NCOR2: variants seen among roughly 807,000 people sequenced by gnomAD.
NCOR2 encodes nuclear receptor corepressor 2, also known as CTG repeat protein 26.
Under a neutral mutation model 262.9 loss-of-function variants are expected in NCOR2, and 81 were observed. The ratio of observed to expected loss-of-function variants is 0.31; its 90% CI spans 0.26 to 0.37. The LOEUF is 0.37. NCOR2 is among the 10% of genes least tolerant of loss of function. The pLI is 1.00. For missense variants in NCOR2, 3,385 were observed against 3,621.4 expected (o/e 0.93, Z 1.68); for synonymous variants, 1,659 against 1,559.3 (o/e 1.06, Z -1.51).
At position 124,378,192 on chromosome 12, in the gene NCOR2, C is replaced by T. The variant is rs772350648; in HGVS notation, c.2167+45G>A. On this transcript the variant is annotated intron_variant, in intron 18 of 46. Coordinates refer to ENST00000405201, the Ensembl canonical transcript of NCOR2. The surrounding 1 kb of genome is among the most constrained non-coding windows in gnomAD (Gnocchi z 4.2). ...TCCCGCTATGCCCTCCCTCAGAGCT[C>T]GGACCCACAGCTGCCAGCCACCTCC... is the stretch of plus-strand genomic sequence containing the variant. The T allele has an allele frequency of 1.4e-5, 23 of 1,598,968 alleles. No homozygotes were observed. The highest frequency in any genetic ancestry group is 6.8e-5 in the Admixed American group (4 of 59,258).
At chr12:124,511,295 C>T (rs920424213) in intron 1 of NCOR2, among the ~76,000 whole-genome samples, 3 of 152,182 alleles carry the variant, frequency 2.0e-5, no homozygotes, top group Admixed American at 6.5e-5. Context: ...TCCAAGTGGC[C>T]GAGAACTCTG....
intron 7 of NCOR2, among the ~76,000 whole-genome samples, chr12:124,446,200 C>G (rs927180381): frequency 6.6e-6 from 1 of 152,186 alleles, no homozygotes; most frequent in African/African-American, 2.4e-5. Flanking sequence ...ATTATGCACC[C>G]TCAGCTTGCA....
chr12:124,524,406 A>G (rs1237432937), intron 1 of NCOR2, among the ~76,000 whole-genome samples: 1 of 152,124 alleles, frequency 6.6e-6, no homozygotes, highest in Admixed American at 6.5e-5. Context: ...CAGTGAAACA[A>G]ATGTCGAGGA....
At position 124,517,830 on chromosome 12, in the gene NCOR2, C is replaced by G. The variant is rs2049911747; in HGVS notation, c.-118+17735G>C. 1.3e-5 allele frequency among the ~76,000 whole-genome samples: 2 copies of G among 152,212 alleles called. No homozygotes were observed. Among genetic ancestry groups the G allele is most frequent in the Admixed American group, 1.3e-4 (2 of 15,284 alleles). The stretch of plus-strand genomic sequence containing the variant: ...CTCTTTTCCGTGACTGCAGCAACTT[C>G]GTCCGATGAGACAGCCCTGCCCACC... On this transcript the variant is annotated intron_variant, in intron 1 of 46. Transcript: ENST00000404621. This position sits in a 1 kb window ranked among gnomAD's most constrained non-coding sequence, Gnocchi z 7.6.
chr12:124,503,483 A>ATGATGGAT lies in NCOR2; in HGVS notation c.-117-8123_-117-8116dup, dbSNP rs757108752. On this transcript the variant is annotated intron_variant, in intron 1 of 46. Coordinates refer to the NCOR2 transcript ENST00000404621. This position sits in a 1 kb window ranked among gnomAD's most constrained non-coding sequence, Gnocchi z 4.3. ...CATGGACTGATGGATGGATGGATGG[A>ATGATGGAT]TGATGGATTGATGGATGGATGGATG... Among the ~76,000 whole-genome samples the ATGATGGAT allele has an allele frequency of 0.13, 19,292 of 151,342 alleles. 1,553 individuals are homozygous for ATGATGGAT. The highest frequency in any genetic ancestry group is 0.23 in the African/African-American group (9,592 of 41,050).
chr12:124,456,955 A>G, intron 6 of NCOR2, 151 bp downstream of exon 8: 1 of 329,442 alleles, frequency 3.0e-6, no homozygotes. Context: ...TCTCATCAGG[A>G]AGGTGGGTTT....
intron 11 of NCOR2, 79 bp from the exon 14 acceptor site, chr12:124,422,634 CT>C: frequency 3.2e-6 from 5 of 1,560,010 alleles, no homozygotes; most frequent in Non-Finnish European, 4.4e-6. Flanking sequence ...TCCCAGGCGC[CT>C]GCCATCCCCA....
At chr12:124,544,917 G>A (rs1291201942) in intron 1 of NCOR2, among the ~76,000 whole-genome samples, 1 of 152,152 alleles carries the variant, frequency 6.6e-6, no homozygotes, top group African/African-American at 2.4e-5. Context: ...ATTATATTAG[G>A]TGGCTAAAAT....
intron 13 of NCOR2, among the ~76,000 whole-genome samples, chr12:124,407,752 A>T (rs528519588): frequency 2.6e-5 from 4 of 152,346 alleles, no homozygotes; most frequent in African/African-American, 9.6e-5. Flanking sequence ...TCTGTGGCTC[A>T]ATCTCATGCA....
chr12:124,555,991 G>C (rs957874853), intron 1 of NCOR2: 2 of 152,258 alleles, frequency 1.3e-5, no homozygotes, highest in Non-Finnish European at 2.9e-5. Flanking sequence ...TAACGCTCAA[G>C]ACAACCTCGA....
rs1160225506 is a variant in NCOR2, at chr12:124,566,259, C to G, written c.-165+1049G>C. ...AAGGGAGGAGGCTGAGCCGACAGAA[C>G]AGATCCGCCCCCGCTGCCTGCACCA... is the stretch of plus-strand genomic sequence containing the variant. On this transcript the variant is annotated intron_variant, in intron 1 of 32. Coordinates refer to the NCOR2 transcript ENST00000458234. This position sits in a 1 kb window ranked among gnomAD's most constrained non-coding sequence, Gnocchi z 4.3. Among the ~76,000 whole-genome samples, 1 of 152,218 alleles carries G rather than the reference C, an allele frequency of 6.6e-6. No homozygotes were observed. The highest frequency in any genetic ancestry group is 1.5e-5 in the Non-Finnish European group (1 of 68,046).
At chr12:124,565,363 CG>C (rs2052202318) in intron 1 of NCOR2, among the ~76,000 whole-genome samples, 1 of 152,138 alleles carries the variant, frequency 6.6e-6, no homozygotes, top group African/African-American at 2.4e-5. Flanking sequence ...AGACAGAGCC[CG>C]GGATGCCCTG....
intron 27 of NCOR2, among the ~76,000 whole-genome samples, chr12:124,351,443 G>T (rs1367777172): frequency 6.6e-6 from 1 of 152,174 alleles, no homozygotes; most frequent in African/African-American, 2.4e-5. Flanking sequence ...AGCACTAGAA[G>T]CCAGGAGTAC....
At chr12:124,475,829 G>A (rs1486445684) in intron 3 of NCOR2, among the ~76,000 whole-genome samples, 1 of 152,162 alleles carries the variant, frequency 6.6e-6, no homozygotes, top group African/African-American at 2.4e-5. Context: ...CGTCAGAAAT[G>A]GCCACACATC....
intron 11 of NCOR2, among the ~76,000 whole-genome samples, chr12:124,423,930 C>T (rs999083461): frequency 2.0e-5 from 3 of 152,182 alleles, no homozygotes; most frequent in Non-Finnish European, 4.4e-5. Flanking sequence ...AGCCCCATGC[C>T]GTCAGTAGGT....
chr12:124,429,585 T>G, intron 10 of NCOR2, 28 bp downstream of exon 12: 2 of 1,570,836 alleles, frequency 1.3e-6, no homozygotes, highest in Non-Finnish European at 1.7e-6. Flanking sequence ...GAAAAGGAGC[T>G]GAGGCCAGAG....
intron 3 of NCOR2, among the ~76,000 whole-genome samples, chr12:124,473,498 T>C (rs965253491): frequency 1.3e-5 from 2 of 152,232 alleles, no homozygotes; most frequent in African/African-American, 4.8e-5. Flanking sequence ...CAGACTGGCT[T>C]CCTTGCTTCT....
At chr12:124,492,339 C>A (rs184392682) in intron 1 of NCOR2, among the ~76,000 whole-genome samples, 3 of 152,292 alleles carry the variant, frequency 2.0e-5, no homozygotes, top group Admixed American at 2.0e-4. Flanking sequence ...TGGCTGTGAG[C>A]GGGCCAATGC....
upstream of NCOR2, chr12:124,538,896 C>G (rs987145562): frequency 1.3e-5 from 2 of 152,286 alleles, no homozygotes; most frequent in African/African-American, 4.8e-5. Flanking sequence ...GGGGCACAGC[C>G]ATCCCGTGTC....
Sources: allele counts gnomAD v4.1 joint callset (sites outside exome capture counted in the v4.1 genomes callset), GRCh38; gene constraint gnomAD v4.1.1; non-coding constraint Gnocchi (gnomAD v3.1); transcripts MANE v1.5; gene names NCBI Gene and HGNC (gene_info 2026-07-23, HGNC 2026-07-21).